Variants in CCND2 observed in about 807,000 individuals in gnomAD.
The protein encoded by CCND2 is cyclin D2.
CCND2 carries 6 observed loss-of-function variants against 30.2 expected under a neutral mutation model. The observed-to-expected ratio is 0.20, with a 90% CI of 0.11 to 0.39. CCND2 has a LOEUF of 0.39. CCND2 is among the 10% of genes least tolerant of loss of function. The probability of loss-of-function intolerance (pLI) is 1.00; values close to 1 mark genes in which losing one functional copy is unlikely to be tolerated. For missense variants in CCND2, 235 were observed against 373.4 expected (o/e 0.63, Z 3.06); for synonymous variants, 150 against 153.1 (o/e 0.98, Z 0.15).
intron 3 of CCND2, among the ~76,000 whole-genome samples, chr12:4,283,259 A>G (rs1750177339): frequency 1.3e-5 from 2 of 152,162 alleles, no homozygotes; most frequent in Non-Finnish European, 2.9e-5. Flanking sequence ...CATCCTTGGG[A>G]GGATAAGCCT....
intron 3 of CCND2, among the ~76,000 whole-genome samples, chr12:4,288,368 CCTT>C (rs1185662054): frequency 3.9e-5 from 6 of 151,976 alleles, no homozygotes; most frequent in Non-Finnish European, 5.9e-5. Context: ...TACTTTCCCT[CCTT>C]CTCACATCTG....
Position 4,302,473 on chromosome 12 carries a change from C to T in CCND2, c.*2464C>T, listed in dbSNP as rs3217925. 59,911 of 232,680 alleles carry T rather than the reference C, an allele frequency of 0.26. 7,941 individuals are homozygous for T. The highest frequency in any genetic ancestry group is 0.34 in the East Asian group (5,658 of 16,500). The allele number at this position is 232,680 out of a possible 1,614,324, so 14.4% of individuals were successfully genotyped here. A position where few individuals can be genotyped will look rare whatever the true frequency, so the allele number is the denominator to read the frequency against. ...GAAGTTTTTCCCCTCCGTCTTTCCC[C>T]TCCCCTGGCATGGACACCTTGTGTT... is the stretch of plus-strand genomic sequence containing the variant. On this transcript the variant is annotated 3_prime_UTR_variant, in exon 5 of 5. Coordinates refer to ENST00000261254, the MANE Select transcript of CCND2 (RefSeq NM_001759.4).
rs1356257033 is a variant in CCND2, at chr12:4,282,854, G to A, written c.571+3935G>A. ...CTTATGGGGGTGGCAGATGAGGTGC[G>A]TGCCCAGTGACGTCCCTGGCCTGTG... On this transcript the variant is annotated intron_variant, in intron 3 of 4. Transcript: ENST00000261254. The surrounding 1 kb of genome is among the most constrained non-coding windows in gnomAD (Gnocchi z 4.3). Among the ~76,000 whole-genome samples, 2 of 152,348 alleles carry A rather than the reference G, an allele frequency of 1.3e-5. No individual in the cohort carries two copies. The highest frequency in any genetic ancestry group is 4.8e-5 in the African/African-American group (2 of 41,578).
chr12:4,304,424 T>C lies in CCND2; in HGVS notation c.*4415T>C, dbSNP rs1864289766. 1 of 233,556 alleles carries C rather than the reference T, an allele frequency of 4.3e-6. No homozygotes were observed. Among genetic ancestry groups the C allele is most frequent in the Non-Finnish European group, 8.5e-6 (1 of 118,030 alleles). 14.5% of individuals were successfully genotyped at this position (233,556 alleles called of 1,614,324 possible). ...TAGAATGAGTGCAGGTTTCTATTGG[T>C]GTGGACTCAGAGCAATTTACAAGAG... On this transcript the variant is annotated 3_prime_UTR_variant, in exon 5 of 5. Coordinates refer to ENST00000261254, the MANE Select transcript of CCND2 (RefSeq NM_001759.4). The surrounding 1 kb of genome is among the most constrained non-coding windows in gnomAD (Gnocchi z 6.2).
At chr12:4,280,542 A>C (rs1309159985) in intron 3 of CCND2, among the ~76,000 whole-genome samples, 1 of 151,978 alleles carries the variant, frequency 6.6e-6, no homozygotes, top group Non-Finnish European at 1.5e-5. Context: ...ACCCCTGTGG[A>C]CCCCTGCTGC....
chr12:4,301,323 A>G lies in CCND2; in HGVS notation c.*1314A>G, dbSNP rs541474169. The G allele has an allele frequency of 4.3e-6, 1 of 231,282 alleles. No individual in the cohort carries two copies. The highest frequency in any genetic ancestry group is 8.5e-6 in the Non-Finnish European group (1 of 117,790). The allele number at this position is 231,282 out of a possible 1,614,324, so 14.3% of individuals were successfully genotyped here. A position where few individuals can be genotyped will look rare whatever the true frequency, so the allele number is the denominator to read the frequency against. On this transcript the variant is annotated 3_prime_UTR_variant, in exon 5 of 5. Transcript: ENST00000261254. ...CTGGTGCAAAGATAGATGGCTGAAC[A>G]TCAGGGTGTGGCATTTTGTTCCCTT...
chr12:4,289,971 G>T (rs560391923), intron 4 of CCND2, among the ~76,000 whole-genome samples: 12 of 152,322 alleles, frequency 7.9e-5, no homozygotes, highest in African/African-American at 2.6e-4. Flanking sequence ...AGAGAGGGGT[G>T]TTGGCCCTGA....
chr12:4,281,928 G>T (rs1863953225), intron 3 of CCND2, among the ~76,000 whole-genome samples: 1 of 147,072 alleles, frequency 6.8e-6, no homozygotes, highest in Non-Finnish European at 1.5e-5. Flanking sequence ...TCCCTCTGCA[G>T]CAGGTCCTGG....
At chr12:4,294,384 A>G (rs1414428165) in intron 4 of CCND2, among the ~76,000 whole-genome samples, 1 of 152,150 alleles carries the variant, frequency 6.6e-6, no homozygotes, top group East Asian at 1.9e-4. Context: ...ACAGACGAGC[A>G]TTATGGCTTC....
intron 4 of CCND2, among the ~76,000 whole-genome samples, chr12:4,292,381 A>G (rs990447357): frequency 6.6e-6 from 1 of 152,046 alleles, no homozygotes; most frequent in Non-Finnish European, 1.5e-5. Flanking sequence ...CAGCTCCTAC[A>G]CACCTTGCTG....
At position 4,275,992 on chromosome 12, in the gene CCND2, A is replaced by G; in HGVS notation, c.196-13A>G. The G allele has an allele frequency of 8.0e-7, 1 of 1,251,920 alleles. No individual in the cohort carries two copies. Among genetic ancestry groups the G allele is most frequent in the Admixed American group, 3.4e-5 (1 of 29,768 alleles). 77.6% of individuals were successfully genotyped at this position (1,251,920 alleles called of 1,614,324 possible). ...CACCCCCGCCCCCCAACCCTTTCCC[A>G]CTCCCATTATAGGTCTGTGAGGAAC... On this transcript the variant is annotated splice_polypyrimidine_tract_variant and intron_variant, in intron 1 of 4. Coordinates refer to ENST00000261254, the MANE Select transcript of CCND2 (RefSeq NM_001759.4).
chr12:4,303,352 G>C lies in CCND2; in HGVS notation c.*3343G>C, dbSNP rs1864276571. The stretch of plus-strand genomic sequence containing the variant: ...CCTCTCCTTAGCTCTTAGTCTCTTT[G>C]GTAGGAGTTTTGTTCCAGAGGAGCT... On this transcript the variant is annotated 3_prime_UTR_variant, in exon 5 of 5. Coordinates refer to ENST00000261254, the MANE Select transcript of CCND2 (RefSeq NM_001759.4). The surrounding 1 kb of genome is among the most constrained non-coding windows in gnomAD (Gnocchi z 4.6). 4.3e-6 allele frequency: 1 copy of C among 233,176 alleles called. No individual in the cohort carries two copies. The highest frequency in any genetic ancestry group is 2.2e-5 in the African/African-American group (1 of 45,318). The allele number at this position is 233,176 out of a possible 1,614,324, so 14.4% of individuals were successfully genotyped here.
intron 1 of CCND2, 114 bp from the exon 2 acceptor site, chr12:4,275,889 CAA>C: frequency 3.1e-6 from 2 of 648,660 alleles, no homozygotes; most frequent in East Asian, 2.8e-5. Context: ...CCCCCTCCCA[CAA>C]AAAAAAATTA....
intron 3 of CCND2, among the ~76,000 whole-genome samples, chr12:4,283,522 C>T (rs1476151028): frequency 6.6e-6 from 1 of 152,234 alleles, no homozygotes; most frequent in African/African-American, 2.4e-5. Context: ...AGCCAGATCA[C>T]TTCATCTCCC....
At chr12:4,290,133 G>A (rs1023956240) in intron 4 of CCND2, among the ~76,000 whole-genome samples, 12 of 152,166 alleles carry the variant, frequency 7.9e-5, no homozygotes, top group Middle Eastern at 3.2e-3. Flanking sequence ...AGGCCTGCAC[G>A]AGGGATACGG....
chr12:4,276,338 A>G lies in CCND2; in HGVS notation c.411+118A>G. ...CTTGGGATCCAGAATGACCCCACCA[A>G]TAGAATTTACCCACTTATGGGCGAT... On this transcript the variant is annotated intron_variant, in intron 2 of 4. Transcript: ENST00000261254. The surrounding 1 kb of genome is among the most constrained non-coding windows in gnomAD (Gnocchi z 4.8). The G allele has an allele frequency of 1.3e-6, 1 of 792,592 alleles. No homozygotes were observed. Among genetic ancestry groups the G allele is most frequent in the Non-Finnish European group, 2.0e-6 (1 of 498,794 alleles). The allele number at this position is 792,592 out of a possible 1,614,324, so 49.1% of individuals were successfully genotyped here. A position where few individuals can be genotyped will look rare whatever the true frequency, so the allele number is the denominator to read the frequency against.
At position 4,282,124 on chromosome 12, in the gene CCND2, G is replaced by A. The variant is rs552463319; in HGVS notation, c.571+3205G>A. Among the ~76,000 whole-genome samples the A allele has an allele frequency of 3.3e-5, 5 of 152,284 alleles. No individual in the cohort carries two copies. In the East Asian group the frequency reaches 9.7e-4, roughly 29 times the overall value. On this transcript the variant is annotated intron_variant, in intron 3 of 4. Transcript: ENST00000261254. This position sits in a 1 kb window ranked among gnomAD's most constrained non-coding sequence, Gnocchi z 4.3. ...AGGCCATTGGAGATGACCTGGGTTC[G>A]CACTCTGGCACTGGGAGATTGTTGA...
At chr12:4,297,463 C>T (rs1472307984) in intron 4 of CCND2, among the ~76,000 whole-genome samples, 1 of 147,380 alleles carries the variant, frequency 6.8e-6, no homozygotes, top group African/African-American at 2.5e-5. Context: ...CCCAGCTGCT[C>T]GGGAGGCTGA....
At chr12:4,281,663 G>C (rs951444974) in intron 3 of CCND2, among the ~76,000 whole-genome samples, 1 of 152,140 alleles carries the variant, frequency 6.6e-6, no homozygotes, top group African/African-American at 2.4e-5. Flanking sequence ...CCCTCAGGCC[G>C]TGCAGCTATT....
Sources: gnomAD v4.1 joint callset for allele counts (sites outside exome capture counted in the v4.1 genomes callset) on GRCh38, gnomAD v4.1.1 for gene constraint, Gnocchi (gnomAD v3.1) non-coding constraint, MANE v1.5 for transcripts, NCBI Gene and HGNC (gene_info 2026-07-23, HGNC 2026-07-21) for gene names.